The following MAML3 variants were observed in gnomAD, a reference collection of about 807,000 sequenced individuals.
MAML3 encodes mastermind like transcriptional coactivator 3.
In MAML3, 27 loss-of-function variants were observed where a neutral mutation model predicts 101.9. The observed-to-expected ratio is 0.27, with a 90% CI of 0.20 to 0.37. MAML3 has a LOEUF of 0.37. Ranked by LOEUF, MAML3 falls within the 10% of genes least tolerant of loss-of-function variation. MAML3 has a pLI of 1.00. For missense variants in MAML3, 1,316 were observed against 1,444.9 expected (o/e 0.91, Z 1.45); for synonymous variants, 501 against 555.9 (o/e 0.90, Z 1.39).
chr4:140,072,203 G>A (rs950933887), intron 1 of MAML3, among the ~76,000 whole-genome samples: 2 of 151,970 alleles, frequency 1.3e-5, no homozygotes, highest in Non-Finnish European at 2.9e-5. Context: ...CTGCATCTGT[G>A]GATTCAACCA....
At chr4:140,003,731 T>C (rs1442319005) in intron 1 of MAML3, among the ~76,000 whole-genome samples, 1 of 152,184 alleles carries the variant, frequency 6.6e-6, no homozygotes, top group Non-Finnish European at 1.5e-5. Flanking sequence ...GAGCACCAGA[T>C]TCAAGTCCTA....
chr4:139,855,280 G>A (rs1369408621), intron 2 of MAML3, among the ~76,000 whole-genome samples: 1 of 152,186 alleles, frequency 6.6e-6, no homozygotes, highest in Non-Finnish European at 1.5e-5. Flanking sequence ...CACATTTGGA[G>A]GTCTGAGGGA....
At chr4:140,057,094 G>A (rs571549691) in intron 1 of MAML3, among the ~76,000 whole-genome samples, 2 of 152,312 alleles carry the variant, frequency 1.3e-5, no homozygotes, top group African/African-American at 4.8e-5. Flanking sequence ...GGGCAATGAA[G>A]CAAGACCCCC....
At chr4:139,787,098 C>T (rs897712828) in intron 2 of MAML3, among the ~76,000 whole-genome samples, 4 of 152,218 alleles carry the variant, frequency 2.6e-5, no homozygotes, top group African/African-American at 9.6e-5. Context: ...TTTTGTTCAG[C>T]TTTCCCTTCC....
rs147816082 is a variant in MAML3 at position 140,101,478 on chromosome 4, TTCTA to T, written c.468+51378_468+51381del. ...GATAAGTTCAGTTTACCCACAGCTG[TTCTA>T]TCTGTCAACAGATATTGGGGCAAAT... On this transcript the variant is annotated intron_variant, in intron 1 of 4. Coordinates refer to ENST00000509479, the MANE Select transcript of MAML3 (RefSeq NM_018717.5). Among the ~76,000 whole-genome samples, 1,261 of 152,342 alleles carry T rather than the reference TTCTA, an allele frequency of 8.3e-3. 20 individuals carry two copies. The highest frequency in any genetic ancestry group is 0.028 in the African/African-American group (1,181 of 41,574).
chr4:139,977,894 C>CAAA (rs368816851), intron 1 of MAML3, among the ~76,000 whole-genome samples: 2 of 142,564 alleles, frequency 1.4e-5, no homozygotes, highest in African/African-American at 5.4e-5. Context: ...AAACAAAAAA[C>CAAA]AAAAAAAAAA....
intron 1 of MAML3, among the ~76,000 whole-genome samples, chr4:140,148,661 A>G (rs1729104547): frequency 6.6e-6 from 1 of 152,216 alleles, no homozygotes; most frequent in Non-Finnish European, 1.5e-5. Context: ...TTTACCTTCA[A>G]CAGGGTAAGA....
intron 1 of MAML3, among the ~76,000 whole-genome samples, chr4:140,138,916 C>T (rs918440278): frequency 2.6e-5 from 4 of 152,166 alleles, no homozygotes; most frequent in Non-Finnish European, 4.4e-5. Context: ...AATTTCTTTG[C>T]GTATATGTTA....
intron 1 of MAML3, among the ~76,000 whole-genome samples, chr4:140,082,627 C>T (rs1175206441): frequency 6.6e-6 from 1 of 152,168 alleles, no homozygotes; most frequent in African/African-American, 2.4e-5. Flanking sequence ...GCAAGTCCAT[C>T]TCTATTGCTG....
At position 140,043,871 on chromosome 4, in the gene MAML3, AT is replaced by A. The variant is rs1253857145; in HGVS notation, c.468+108988del. ...GAATATAAATTCATTAGGGTAGTTA[AT>A]TTTTCCATGTAAATAGCAACTGACA... On this transcript the variant is annotated intron_variant, in intron 1 of 4. Coordinates refer to ENST00000509479, the MANE Select transcript of MAML3 (RefSeq NM_018717.5). 2.0e-5 allele frequency among the ~76,000 whole-genome samples: 3 copies of A among 152,320 alleles called. No individual in the cohort carries two copies. The East Asian group carries it at 5.8e-4, about 29-fold the overall frequency.
intron 2 of MAML3, chr4:139,889,131 T>C (rs2111195933): frequency 1.2e-6 from 1 of 836,544 alleles, no homozygotes; most frequent in Middle Eastern, 2.2e-4. Flanking sequence ...AGAAGTTTGA[T>C]TCCTAGACAC....
At chr4:139,968,972 A>C (rs1465712399) in intron 1 of MAML3, among the ~76,000 whole-genome samples, 2 of 151,898 alleles carry the variant, frequency 1.3e-5, no homozygotes, top group Non-Finnish European at 2.9e-5. Flanking sequence ...CTATAGCCAG[A>C]CCTGACAGAA....
At chr4:139,885,121 C>A (rs1370821009) in intron 2 of MAML3, among the ~76,000 whole-genome samples, 1 of 152,180 alleles carries the variant, frequency 6.6e-6, no homozygotes, top group African/African-American at 2.4e-5. Flanking sequence ...AATACTCAGG[C>A]CGGGTGCGGT....
At chr4:139,906,358 C>A (rs1732822017) in intron 1 of MAML3, among the ~76,000 whole-genome samples, 1 of 152,162 alleles carries the variant, frequency 6.6e-6, no homozygotes, top group African/African-American at 2.4e-5. Context: ...TGACTCTAAG[C>A]AAAACCTCAG....
In MAML3 at chr4:140,091,556, A is replaced by C. The variant is rs540556589; in HGVS notation, c.468+61304T>G. Among the ~76,000 whole-genome samples the C allele has an allele frequency of 1.0e-3, 153 of 150,520 alleles. 4 individuals are homozygous for C. Among genetic ancestry groups the C allele is most frequent in the Middle Eastern group, 3.4e-3 (1 of 292 alleles). On this transcript the variant is annotated intron_variant, in intron 1 of 4. Transcript: ENST00000509479. Reference sequence around the variant, plus strand: ...ACAAAACAAAAACAAAACAAAAAAAAAAAACAGGACCAAGGACCAAGCTGC... The same window carrying C: ...ACAAAACAAAAACAAAACAAAAAAACAAAACAGGACCAAGGACCAAGCTGC...
At chr4:139,947,169 T>A (rs935899846) in intron 1 of MAML3, among the ~76,000 whole-genome samples, 8 of 152,170 alleles carry the variant, frequency 5.3e-5, no homozygotes, top group Non-Finnish European at 1.0e-4. Context: ...TTGTACTGCT[T>A]TCAATTTTTA....
At chr4:139,822,486 T>G (rs1730992520) in intron 2 of MAML3, among the ~76,000 whole-genome samples, 1 of 152,190 alleles carries the variant, frequency 6.6e-6, no homozygotes, top group African/African-American at 2.4e-5. Flanking sequence ...CCTCGTGCTT[T>G]TGAGTCTTAA....
intron 2 of MAML3, among the ~76,000 whole-genome samples, chr4:139,792,568 T>A (rs1309491940): frequency 6.6e-6 from 1 of 152,192 alleles, no homozygotes; most frequent in Non-Finnish European, 1.5e-5. Context: ...GTTATATACT[T>A]GCTGCTTATA....
At chr4:140,088,653 C>T (rs1727995983) in intron 1 of MAML3, among the ~76,000 whole-genome samples, 1 of 151,934 alleles carries the variant, frequency 6.6e-6, no homozygotes, top group Admixed American at 6.6e-5. Context: ...ACTGACAAAC[C>T]ATATCCCAAC....
Sources: gnomAD v4.1 joint callset for allele counts (sites outside exome capture counted in the v4.1 genomes callset) on GRCh38, gnomAD v4.1.1 for gene constraint, MANE v1.5 for transcripts, NCBI Gene and HGNC (gene_info 2026-07-23, HGNC 2026-07-21) for gene names.